LHX8: variants seen among roughly 807,000 people sequenced by gnomAD.
LHX8 encodes the protein LIM/homeobox protein Lhx8.
A neutral mutation model predicts 40.3 loss-of-function variants in LHX8; 12 were observed. The observed-to-expected ratio is 0.30, with a 90% CI of 0.19 to 0.48. The LOEUF is 0.48. LHX8 is among the 20% of genes least tolerant of loss of function. The pLI is 0.99. For missense variants in LHX8, 344 were observed against 433.7 expected (o/e 0.79, Z 1.84); for synonymous variants, 179 against 162.0 (o/e 1.10, Z -0.80).
chr1:75,196,507 G>A, the LHX8 span, among the ~76,000 whole-genome samples: 7 of 152,240 alleles, frequency 4.6e-5, 1 homozygote, highest in South Asian at 8.3e-4. Context: ...CCCTGCCATA[G>A]TCGTGAATCT....
At chr1:75,148,788 C>G in intron 7 of LHX8, 106 bp downstream of exon 7, 1 of 765,274 alleles carries the variant, frequency 1.3e-6, no homozygotes, top group Non-Finnish European at 2.2e-6. Flanking sequence ...AGTGATTCTC[C>G]CACCTCAGCC....
the LHX8 span, among the ~76,000 whole-genome samples, chr1:75,188,842 G>A: frequency 6.2e-3 from 951 of 152,246 alleles, 12 homozygotes; most frequent in African/African-American, 0.021. Flanking sequence ...TGTGTTCACA[G>A]CTTTGAGCTT....
chr1:75,177,468 CTTTG>C, the LHX8 span, among the ~76,000 whole-genome samples: 141 of 152,170 alleles, frequency 9.3e-4, no homozygotes, highest in Middle Eastern at 6.8e-3. Flanking sequence ...TGAATTGGCT[CTTTG>C]TTTGTCTATT....
chr1:75,149,169 T>C (rs1648540779), intron 7 of LHX8, among the ~76,000 whole-genome samples: 1 of 152,234 alleles, frequency 6.6e-6, no homozygotes, highest in African/African-American at 2.4e-5. Flanking sequence ...GTGTGTGTGA[T>C]GGCTGCTGAT....
chr1:75,134,842 G>A lies in LHX8; in HGVS notation c.-125G>A. On this transcript the variant is annotated 5_prime_UTR_variant, in exon 1 of 9. Transcript: ENST00000356261. ...GGCAATTTTTTTTTTTTATTACGTA[G>A]TAGCGTTAGTCAGTAATCATTGCAC... 1.2e-6 allele frequency: 1 copy of A among 856,414 alleles called. No individual in the cohort carries two copies. Among genetic ancestry groups the A allele is most frequent in the Non-Finnish European group, 1.4e-6 (1 of 712,354 alleles). The allele number at this position is 856,414 out of a possible 1,614,324, so 53.1% of individuals were successfully genotyped here.
chr1:75,194,771 G>A, the LHX8 span, among the ~76,000 whole-genome samples: 2 of 152,282 alleles, frequency 1.3e-5, no homozygotes, highest in South Asian at 4.1e-4. Flanking sequence ...TGTTGACATG[G>A]CATCCTTAAT....
chr1:75,183,176 G>C, the LHX8 span: 1 of 152,166 alleles, frequency 6.6e-6, no homozygotes, highest in Non-Finnish European at 1.5e-5. Context: ...AAGAGATGGG[G>C]AGGGCACAAA....
At chr1:75,135,375 T>C (rs750027517) in intron 1 of LHX8, among the ~76,000 whole-genome samples, 1 of 152,214 alleles carries the variant, frequency 6.6e-6, no homozygotes, top group Non-Finnish European at 1.5e-5. Flanking sequence ...CCGAAGCCGG[T>C]TGGGGACACC....
intron 6 of LHX8, among the ~76,000 whole-genome samples, chr1:75,144,777 C>T (rs1221931480): frequency 6.6e-6 from 1 of 152,070 alleles, no homozygotes; most frequent in Non-Finnish European, 1.5e-5. Flanking sequence ...GCCTATCACA[C>T]TGCTGGGTAC....
chr1:75,174,973 T>C, the LHX8 span, among the ~76,000 whole-genome samples: 1 of 152,160 alleles, frequency 6.6e-6, no homozygotes. Context: ...CTCCTACCCT[T>C]CCCTGGAGTC....
the LHX8 span, among the ~76,000 whole-genome samples, chr1:75,168,147 G>A: frequency 1.1e-4 from 16 of 152,180 alleles, no homozygotes; most frequent in Admixed American, 9.8e-4. Context: ...TAGCTGTCTA[G>A]GCCATCAGCA....
chr1:75,188,858 C>T, the LHX8 span, among the ~76,000 whole-genome samples: 13 of 152,140 alleles, frequency 8.5e-5, no homozygotes, highest in South Asian at 4.1e-4. Context: ...AGCTTTCAGC[C>T]CCACTATCAG....
chr1:75,197,582 C>T, the LHX8 span, among the ~76,000 whole-genome samples: 5 of 152,098 alleles, frequency 3.3e-5, no homozygotes, highest in Non-Finnish European at 7.4e-5. Context: ...CTCTCTATTG[C>T]GGTCACCAAA....
chr1:75,183,600 C>T, the LHX8 span, among the ~76,000 whole-genome samples: 3 of 152,124 alleles, frequency 2.0e-5, no homozygotes, highest in Admixed American at 2.0e-4. Context: ...ACCACTAGAC[C>T]TGCCTGACAA....
the LHX8 span, among the ~76,000 whole-genome samples, chr1:75,169,851 C>G: frequency 6.6e-6 from 1 of 152,200 alleles, no homozygotes; most frequent in East Asian, 1.9e-4. Flanking sequence ...CTGTGGGTCC[C>G]ATTTAATAAA....
intron 1 of LHX8, among the ~76,000 whole-genome samples, chr1:75,136,323 G>A (rs1006490282): frequency 6.6e-6 from 1 of 152,054 alleles, no homozygotes; most frequent in African/African-American, 2.4e-5. Flanking sequence ...CCGGCGGGGG[G>A]GCGGGGAACC....
the LHX8 span, among the ~76,000 whole-genome samples, chr1:75,181,849 T>C: frequency 6.6e-6 from 1 of 152,306 alleles, no homozygotes; most frequent in Admixed American, 6.5e-5. Flanking sequence ...CCCATTTTGT[T>C]TTTTTTCTTG....
At chr1:75,140,310 A>G (rs771410910) in intron 3 of LHX8, among the ~76,000 whole-genome samples, 1 of 152,090 alleles carries the variant, frequency 6.6e-6, no homozygotes, top group Non-Finnish European at 1.5e-5. Flanking sequence ...TTATGATTAG[A>G]TTTATTTTTT....
chr1:75,142,958 T>C (rs1648357493), intron 4 of LHX8, among the ~76,000 whole-genome samples, 160 bp from the exon 5 acceptor site: 2 of 152,218 alleles, frequency 1.3e-5, no homozygotes, highest in Non-Finnish European at 2.9e-5. Context: ...TCTTATTATA[T>C]TGACTTTTAG....
Sources: allele counts gnomAD v4.1 joint callset (sites outside exome capture counted in the v4.1 genomes callset), GRCh38; gene constraint gnomAD v4.1.1; transcripts MANE v1.5; gene names NCBI Gene and HGNC (gene_info 2026-07-23, HGNC 2026-07-21).